The following SEZ6L variants were observed in gnomAD, a reference collection of about 807,000 sequenced individuals.
SEZ6L encodes seizure 6-like protein.
In SEZ6L, 37 loss-of-function variants were observed where a neutral mutation model predicts 106.2. The observed-to-expected ratio is 0.35, with a 90% CI of 0.27 to 0.46. The LOEUF (loss-of-function observed/expected upper bound fraction) is 0.46. Ranked by LOEUF, SEZ6L falls within the 20% of genes least tolerant of loss-of-function variation. SEZ6L has a pLI of 1.00. For missense variants in SEZ6L, 1,172 were observed against 1,332.8 expected, an observed-to-expected ratio of 0.88 and a Z score of 1.88; for synonymous variants, 541 against 570.4, an observed-to-expected ratio of 0.95 and a Z score of 0.73.
chr22:26,261,615 C>T (rs2080008983), intron 1 of SEZ6L, among the ~76,000 whole-genome samples: 1 of 152,106 alleles, frequency 6.6e-6, no homozygotes, highest in African/African-American at 2.4e-5. Context: ...GTGAAATTTA[C>T]AATCTAATGA....
chr22:26,282,045 C>A (rs895515823), intron 1 of SEZ6L, among the ~76,000 whole-genome samples: 1 of 152,254 alleles, frequency 6.6e-6, no homozygotes, highest in East Asian at 1.9e-4. Context: ...CAAATGGGGC[C>A]GCATTGCTTA....
At chr22:26,262,250 A>ATCTG (rs1267058836) in intron 1 of SEZ6L, among the ~76,000 whole-genome samples, 1 of 149,198 alleles carries the variant, frequency 6.7e-6, no homozygotes, top group Non-Finnish European at 1.5e-5. Flanking sequence ...TATTTTATCT[A>ATCTG]TCTATCTATC....
chr22:26,284,385 T>C (rs2080863251), intron 1 of SEZ6L, among the ~76,000 whole-genome samples: 2 of 152,156 alleles, frequency 1.3e-5, no homozygotes, highest in Non-Finnish European at 2.9e-5. Context: ...GGCACATGGA[T>C]CACTTGAGTT....
At chr22:26,285,758 C>A (rs1286881166) in intron 1 of SEZ6L, among the ~76,000 whole-genome samples, 1 of 152,216 alleles carries the variant, frequency 6.6e-6, no homozygotes, top group Admixed American at 6.5e-5. Context: ...ACAGTTGGTT[C>A]TATGCCTTCA....
At chr22:26,364,425 TAA>T (rs10577471) in intron 12 of SEZ6L, among the ~76,000 whole-genome samples, 4,664 of 131,174 alleles carry the variant, frequency 0.036, 180 homozygotes, top group African/African-American at 0.083. Context: ...GTCTCTACTT[TAA>T]AAAAAAAAAA....
At chr22:26,323,096 G>T (rs1199530684) in intron 9 of SEZ6L, among the ~76,000 whole-genome samples, 2 of 152,214 alleles carry the variant, frequency 1.3e-5, no homozygotes, top group Non-Finnish European at 2.9e-5. Flanking sequence ...AAGACAACTT[G>T]CTTGTGGCCA....
chr22:26,333,340 G>A (rs2082546817), intron 9 of SEZ6L, among the ~76,000 whole-genome samples: 4 of 152,330 alleles, frequency 2.6e-5, no homozygotes, highest in Non-Finnish European at 4.4e-5. Context: ...AAGGATCAAG[G>A]CATGGCCAAC....
intron 1 of SEZ6L, among the ~76,000 whole-genome samples, chr22:26,182,893 TGG>T (rs1939505698): frequency 6.6e-6 from 1 of 152,116 alleles, no homozygotes; most frequent in African/African-American, 2.4e-5. Context: ...AGGCACCACA[TGG>T]GCGTGGCCTG....
chr22:26,184,466 C>A (rs1939635368), intron 1 of SEZ6L, among the ~76,000 whole-genome samples: 1 of 152,194 alleles, frequency 6.6e-6, no homozygotes, highest in Non-Finnish European at 1.5e-5. Flanking sequence ...CTCTTTCCCA[C>A]TAGGCCATGG....
intron 9 of SEZ6L, among the ~76,000 whole-genome samples, chr22:26,330,258 A>C (rs1327849590): frequency 7.9e-5 from 5 of 62,964 alleles, no homozygotes. Flanking sequence ...GCTCTGCTAT[A>C]TAACCAGCTG....
Position 26,364,425 on chromosome 22 carries a change from TAAAA to T in SEZ6L, c.2600-929_2600-926del, listed in dbSNP as rs10577471. On this transcript the variant is annotated intron_variant, in intron 12 of 16. Transcript: ENST00000248933. Reference sequence around the variant, plus strand: ...GCATGGCAAGACCCTGTCTCTACTTTAAAAAAAAAAAAAAAAAAAAAGCCGAGTG... The same window carrying T: ...GCATGGCAAGACCCTGTCTCTACTTTAAAAAAAAAAAAAAAAAGCCGAGTG... Among the ~76,000 whole-genome samples, 550 of 131,236 alleles carry T rather than the reference TAAAA, an allele frequency of 4.2e-3. 2 individuals are homozygous for T. The highest frequency in any genetic ancestry group is 9.1e-3 in the African/African-American group (316 of 34,848). 86.1% of individuals were successfully genotyped at this position (131,236 alleles called of 152,430 possible).
At chr22:26,298,558 A>T (rs2081364321) in intron 4 of SEZ6L, among the ~76,000 whole-genome samples, 1 of 152,190 alleles carries the variant, frequency 6.6e-6, no homozygotes, top group African/African-American at 2.4e-5. Context: ...GAGCTTTCAT[A>T]TCCTTGGGCA....
intron 1 of SEZ6L, among the ~76,000 whole-genome samples, chr22:26,193,392 T>C (rs1391108573): frequency 6.6e-6 from 1 of 152,186 alleles, no homozygotes; most frequent in Non-Finnish European, 1.5e-5. Flanking sequence ...GGAGGTAACA[T>C]ACTCAAGATC....
chr22:26,173,368 A>G (rs1938754783), intron 1 of SEZ6L, among the ~76,000 whole-genome samples: 1 of 152,076 alleles, frequency 6.6e-6, no homozygotes, highest in African/African-American at 2.4e-5. Context: ...ATAGTGAGTA[A>G]CTCCAGTTAC....
chr22:26,378,299 C>A (rs1386983283), intron 16 of SEZ6L, among the ~76,000 whole-genome samples: 1 of 152,176 alleles, frequency 6.6e-6, no homozygotes, highest in Non-Finnish European at 1.5e-5. Flanking sequence ...CTCCTTGAAT[C>A]CTTGCAGCTC....
chr22:26,369,669 T>A (rs1362402547), intron 13 of SEZ6L, among the ~76,000 whole-genome samples: 2 of 151,372 alleles, frequency 1.3e-5, no homozygotes, highest in East Asian at 3.9e-4. Flanking sequence ...GAACAAGGGG[T>A]CCTTTTGAAG....
intron 2 of SEZ6L, among the ~76,000 whole-genome samples, chr22:26,293,375 G>A (rs2081201090): frequency 6.6e-6 from 1 of 152,252 alleles, no homozygotes; most frequent in Admixed American, 6.5e-5. Flanking sequence ...CTTTCGCCCA[G>A]GCTGGAGTGC....
chr22:26,357,648 TA>T (rs2083482307), intron 12 of SEZ6L, among the ~76,000 whole-genome samples: 1 of 152,152 alleles, frequency 6.6e-6, no homozygotes, highest in African/African-American at 2.4e-5. Flanking sequence ...AATATATATA[TA>T]GAATAAACAC....
chr22:26,348,513 AGAAGGAAGGAAG>A (rs200858250), intron 11 of SEZ6L, among the ~76,000 whole-genome samples: 762 of 33,064 alleles, frequency 0.023, 16 homozygotes, highest in East Asian at 0.066. Flanking sequence ...TGGGAGAGAG[AGAAGGAAGGAAG>A]GAAGGAAGGA....
Sources: allele counts gnomAD v4.1 joint callset (sites outside exome capture counted in the v4.1 genomes callset), GRCh38; gene constraint gnomAD v4.1.1; transcripts MANE v1.5; gene names NCBI Gene and HGNC (gene_info 2026-07-23, HGNC 2026-07-21).